PIAS1: variants seen among roughly 807,000 people sequenced by gnomAD.
PIAS1 encodes E3 SUMO-protein ligase PIAS1.
In PIAS1, 6 loss-of-function variants were observed where a neutral mutation model predicts 71.3. That is an observed-to-expected ratio of 0.08 (90% confidence interval 0.05 to 0.17). The LOEUF is 0.17. Ranked by LOEUF, PIAS1 falls within the 10% of genes least tolerant of loss-of-function variation. The pLI is 1.00. For synonymous variants in PIAS1, 303 were observed against 292.9 expected (o/e 1.03, Z -0.35); for missense variants, 555 against 793.6 (o/e 0.70, Z 3.61).
chr15:68,155,465 A>C (rs866861189), intron 7 of PIAS1, among the ~76,000 whole-genome samples: 74 of 151,194 alleles, frequency 4.9e-4, no homozygotes, highest in Middle Eastern at 3.4e-3. Flanking sequence ...AAAAAAAAAA[A>C]AAAAAAACCA....
chr15:68,180,894 G>A lies in PIAS1; in HGVS notation c.1482-318G>A, dbSNP rs114954767. On this transcript the variant is annotated intron_variant, in intron 11 of 13. Transcript: ENST00000249636. ...TGTAGGTATCTTTCACTCATATCCC[G>A]TTAAAGTGGCTCAACTGTACCTTTC... is the stretch of plus-strand genomic sequence containing the variant. 4.5e-3 allele frequency among the ~76,000 whole-genome samples: 691 copies of A among 152,212 alleles called. 1 individual carries two copies. The highest frequency in any genetic ancestry group is 0.015 in the African/African-American group (620 of 41,506).
chr15:68,146,718 T>C lies in PIAS1; in HGVS notation c.828+18T>C, dbSNP rs772152640. The C allele has an allele frequency of 1.3e-6, 2 of 1,597,272 alleles. No individual in the cohort carries two copies. Among genetic ancestry groups the C allele is most frequent in the Admixed American group, 3.4e-5 (2 of 59,486 alleles). ...TTGGAAGAGTAAGTAAATTTTTGTT[T>C]CTACCAGATTTTTGTATTATAAGGA... On this transcript the variant is annotated intron_variant, in intron 6 of 13. Transcript: ENST00000249636.
At chr15:68,125,958 C>T (rs2092647666) in intron 2 of PIAS1, among the ~76,000 whole-genome samples, 1 of 152,188 alleles carries the variant, frequency 6.6e-6, no homozygotes, top group South Asian at 2.1e-4. Context: ...CCTAGCCTCC[C>T]AAAGTGCTGG....
intron 1 of PIAS1, among the ~76,000 whole-genome samples, chr15:68,055,621 T>G (rs2091887433): frequency 6.6e-6 from 1 of 152,192 alleles, no homozygotes; most frequent in Non-Finnish European, 1.5e-5. Flanking sequence ...CGATCTTCTC[T>G]GTGGCTTCCT....
At chr15:68,078,581 A>G (rs2092194925) in intron 1 of PIAS1, among the ~76,000 whole-genome samples, 1 of 152,160 alleles carries the variant, frequency 6.6e-6, no homozygotes, top group Non-Finnish European at 1.5e-5. Context: ...TCAGTGTAAC[A>G]TATACTCAGC....
At chr15:68,090,937 T>TGTGTGTGTGG (rs1299442977) in intron 2 of PIAS1, among the ~76,000 whole-genome samples, 3 of 151,026 alleles carry the variant, frequency 2.0e-5, no homozygotes, top group Non-Finnish European at 3.0e-5. Flanking sequence ...GGTGTGTGTG[T>TGTGTGTGTGG]GTGTGTGTGT....
intron 7 of PIAS1, among the ~76,000 whole-genome samples, chr15:68,154,980 G>C (rs1260431609): frequency 6.6e-6 from 1 of 152,160 alleles, no homozygotes; most frequent in Non-Finnish European, 1.5e-5. Flanking sequence ...CACAATACTA[G>C]AATCTCAGCC....
At chr15:68,108,527 A>T (rs1359254793) in intron 2 of PIAS1, among the ~76,000 whole-genome samples, 2 of 152,102 alleles carry the variant, frequency 1.3e-5, no homozygotes, top group Non-Finnish European at 2.9e-5. Flanking sequence ...AAGGCCTTAA[A>T]TAGTAATTAA....
At chr15:68,056,929 T>C (rs1450142640) in intron 1 of PIAS1, among the ~76,000 whole-genome samples, 1 of 152,172 alleles carries the variant, frequency 6.6e-6, no homozygotes, top group Non-Finnish European at 1.5e-5. Flanking sequence ...GAAAAAAATC[T>C]AGATTTTTTG....
chr15:68,152,051 G>A (rs1455584032), intron 6 of PIAS1, among the ~76,000 whole-genome samples: 1 of 136,750 alleles, frequency 7.3e-6, no homozygotes, highest in South Asian at 2.6e-4. Flanking sequence ...CCAGGCTCAC[G>A]CCATTCTCCT....
At chr15:68,141,839 C>G (rs572458443) in intron 2 of PIAS1, 107 bp from the exon 3 acceptor site, 2 of 666,818 alleles carry the variant, frequency 3.0e-6, no homozygotes, top group South Asian at 1.8e-5. Context: ...TATCTAAACT[C>G]TAGAATATAT....
chr15:68,170,056 A>G (rs1405871198), intron 8 of PIAS1, among the ~76,000 whole-genome samples: 1 of 152,172 alleles, frequency 6.6e-6, no homozygotes, highest in Non-Finnish European at 1.5e-5. Flanking sequence ...ATTGCCCATC[A>G]TGCAGAACTG....
intron 2 of PIAS1, among the ~76,000 whole-genome samples, chr15:68,118,355 G>T (rs2092583799): frequency 6.6e-6 from 1 of 151,634 alleles, no homozygotes; most frequent in Admixed American, 6.6e-5. Context: ...AATAAATAAA[G>T]AGTCACAGTC....
In PIAS1 at chr15:68,187,614, C is replaced by G; in HGVS notation, c.1735C>G (p.Arg579Gly). The change falls in exon 14 of 14, where the codon CGG becomes GGG. Residue 579 changes from arginine to glycine, a missense_variant. By Grantham distance (125) the Arg-to-Gly change is moderately radical. Transcript: ENST00000249636. The surrounding 1 kb of genome is among the most constrained non-coding windows in gnomAD (Gnocchi z 5.3). The part of the protein sequence containing the change: ...SDDQDLLHSS[R>G]FFPYTSSQMF... ...TGATCAAGACCTCCTACACTCGTCTCGGTTTTTCCCGTATACCTCCTCACA... is the reference window on the plus strand; with the variant it reads ...TGATCAAGACCTCCTACACTCGTCTGGGTTTTTCCCGTATACCTCCTCACA... The G allele has an allele frequency of 6.2e-7, 1 of 1,613,972 alleles. No homozygotes were observed. Among genetic ancestry groups the G allele is most frequent in the East Asian group, 2.2e-5 (1 of 44,878 alleles).
chr15:68,092,651 G>A lies in PIAS1; in HGVS notation c.469+5901G>A, dbSNP rs550798801. ...TTTAGCAGGTGATTAGGTAATGAGG[G>A]CGTGGCCCTTATGGATGAGATTAAT... On this transcript the variant is annotated intron_variant, in intron 2 of 13. Coordinates refer to ENST00000249636, the MANE Select transcript of PIAS1 (RefSeq NM_016166.3). 1.8e-4 allele frequency among the ~76,000 whole-genome samples: 27 copies of A among 152,280 alleles called. No homozygotes were observed. In the South Asian group the frequency reaches 4.1e-3, roughly 23 times the overall value.
Position 68,143,175 on chromosome 15 carries a change from A to G in PIAS1, c.602+838A>G, listed in dbSNP as rs918309445. ...ACTGTTGGAATAGGGATGGAAGAGAAAATATAAGACAGTTGTTTTCCTCAG... is the reference window on the plus strand; with the variant it reads ...ACTGTTGGAATAGGGATGGAAGAGAGAATATAAGACAGTTGTTTTCCTCAG... On this transcript the variant is annotated intron_variant, in intron 4 of 13. Transcript: ENST00000249636. Among the ~76,000 whole-genome samples, 5 of 152,076 alleles carry G rather than the reference A, an allele frequency of 3.3e-5. No individual in the cohort carries two copies. In the South Asian group the frequency reaches 1.0e-3, roughly 31 times the overall value.
intron 2 of PIAS1, among the ~76,000 whole-genome samples, chr15:68,120,216 A>T (rs1486351380): frequency 1.3e-5 from 2 of 150,722 alleles, no homozygotes; most frequent in African/African-American, 4.9e-5. Flanking sequence ...CTTAAAGTGG[A>T]TTTCTTAAAA....
At chr15:68,062,502 C>T (rs903967709) in intron 1 of PIAS1, among the ~76,000 whole-genome samples, 2 of 152,216 alleles carry the variant, frequency 1.3e-5, no homozygotes, top group African/African-American at 4.8e-5. Flanking sequence ...AGCAACCCTA[C>T]ATCCTTTTAG....
chr15:68,054,480 A>T lies in PIAS1; in HGVS notation c.24+130A>T, dbSNP rs1407489666. The stretch of plus-strand genomic sequence containing the variant: ...CACCCGGGCCTGGAGTTGTAGGGAG[A>T]GAGGCGCGCCCGGTCTCAGCAGAGG... On this transcript the variant is annotated intron_variant, in intron 1 of 13. Coordinates refer to ENST00000249636, the MANE Select transcript of PIAS1 (RefSeq NM_016166.3). This position sits in a 1 kb window ranked among gnomAD's most constrained non-coding sequence, Gnocchi z 4.6. 8.2e-6 allele frequency: 8 copies of T among 972,232 alleles called. No homozygotes were observed. The highest frequency in any genetic ancestry group is 1.2e-5 in the Non-Finnish European group (8 of 655,778). The allele number at this position is 972,232 out of a possible 1,614,324, so 60.2% of individuals were successfully genotyped here.
Sources: gnomAD v4.1 joint callset for allele counts (sites outside exome capture counted in the v4.1 genomes callset) on GRCh38, gnomAD v4.1.1 for gene constraint, Gnocchi (gnomAD v3.1) non-coding constraint, MANE v1.5 for transcripts, NCBI Gene and HGNC (gene_info 2026-07-23, HGNC 2026-07-21) for gene names.